The following LMNTD1 variants were observed in gnomAD, a reference collection of about 807,000 sequenced individuals.
LMNTD1 encodes the protein lamin tail domain-containing protein 1.
A neutral mutation model predicts 50.9 loss-of-function variants in LMNTD1; 35 were observed. That is an observed-to-expected ratio of 0.69 (90% CI 0.53 to 0.91). The LOEUF (loss-of-function observed/expected upper bound fraction) is 0.91, where lower values mean the gene tolerates loss of function less well. LMNTD1 is among the 40% of genes least tolerant of loss of function. The pLI, the probability that LMNTD1 is intolerant of heterozygous loss-of-function variation, is 0.00. For missense variants in LMNTD1, 470 were observed against 475.5 expected (o/e 0.99, Z 0.11); for synonymous variants, 153 against 161.9 (o/e 0.94, Z 0.42).
intron 9 of LMNTD1, among the ~76,000 whole-genome samples, chr12:25,485,267 A>AT (rs1196182302): frequency 1.4e-5 from 2 of 146,110 alleles, no homozygotes; most frequent in Non-Finnish European, 3.0e-5. Flanking sequence ...GATGGTGAGC[A>AT]TTTTTTCATG....
intron 9 of LMNTD1, among the ~76,000 whole-genome samples, chr12:25,499,173 A>G (rs1307705055): frequency 6.6e-6 from 1 of 152,064 alleles, no homozygotes; most frequent in East Asian, 1.9e-4. Context: ...CTGGGCTCAA[A>G]TGATCCTCTA....
chr12:25,543,673 G>C (rs751220177), intron 4 of LMNTD1, among the ~76,000 whole-genome samples: 3 of 150,502 alleles, frequency 2.0e-5, no homozygotes, highest in African/African-American at 7.3e-5. Context: ...CTTGAGATAC[G>C]TTGTTAGATT....
chr12:25,604,034 T>C (rs571727824), intron 1 of LMNTD1, among the ~76,000 whole-genome samples: 2 of 152,038 alleles, frequency 1.3e-5, no homozygotes, highest in Non-Finnish European at 2.9e-5. Flanking sequence ...CAAAAAGAAC[T>C]GCATGATTAA....
At chr12:25,538,835 C>T (rs1207947179) in intron 4 of LMNTD1, among the ~76,000 whole-genome samples, 10 of 125,204 alleles carry the variant, frequency 8.0e-5, no homozygotes, top group African/African-American at 2.6e-4. Flanking sequence ...ACCCATCTCA[C>T]GTGCAGAGAC....
chr12:25,559,033 C>T (rs551983967), intron 1 of LMNTD1, among the ~76,000 whole-genome samples: 2 of 150,836 alleles, frequency 1.3e-5, no homozygotes, highest in Admixed American at 6.6e-5. Context: ...AATCACTATA[C>T]TTCCTGCATA....
chr12:25,635,670 G>A (rs1282033851), intron 1 of LMNTD1, among the ~76,000 whole-genome samples: 5 of 151,984 alleles, frequency 3.3e-5, no homozygotes, highest in Admixed American at 6.6e-5. Flanking sequence ...AAGAGCCCAC[G>A]TAGCCAAAGG....
At chr12:25,553,575 A>C (rs1943900347), upstream of LMNTD1, among the ~76,000 whole-genome samples, 1 of 152,104 alleles carries the variant, frequency 6.6e-6, no homozygotes, top group African/African-American at 2.4e-5. Context: ...CTCTGGACAA[A>C]TACTTTGAGC....
intron 1 of LMNTD1, among the ~76,000 whole-genome samples, chr12:25,611,190 A>G (rs183039335): frequency 6.6e-6 from 1 of 152,338 alleles, no homozygotes; most frequent in African/African-American, 2.4e-5. Context: ...GATTAAGAAG[A>G]AATGTTATTA....
intron 8 of LMNTD1, among the ~76,000 whole-genome samples, chr12:25,504,854 T>G (rs557901469): frequency 6.8e-4 from 104 of 152,216 alleles, no homozygotes; most frequent in Non-Finnish European, 1.1e-3. Context: ...AATAGTAAGT[T>G]ATGAACCTAG....
chr12:25,573,437 A>T (rs1944877202), intron 1 of LMNTD1, among the ~76,000 whole-genome samples: 2 of 152,290 alleles, frequency 1.3e-5, no homozygotes, highest in Non-Finnish European at 2.9e-5. Context: ...ATGAACAAAG[A>T]GGATCTAGAA....
At chr12:25,541,964 C>T (rs989017106) in intron 4 of LMNTD1, among the ~76,000 whole-genome samples, 25 of 152,136 alleles carry the variant, frequency 1.6e-4, no homozygotes, top group East Asian at 3.9e-4. Context: ...AACAGACACA[C>T]GAAAAAATGC....
intron 1 of LMNTD1, among the ~76,000 whole-genome samples, chr12:25,576,014 A>G (rs1435552239): frequency 6.6e-6 from 1 of 152,222 alleles, no homozygotes; most frequent in Non-Finnish European, 1.5e-5. Context: ...TACAAAGGGC[A>G]GGAACTCATC....
intron 8 of LMNTD1, among the ~76,000 whole-genome samples, chr12:25,514,255 T>G (rs1173466785): frequency 1.3e-5 from 2 of 152,112 alleles, no homozygotes; most frequent in African/African-American, 4.8e-5. Flanking sequence ...TAGAAATCAG[T>G]GTGCACGTGA....
At chr12:25,479,472 T>C (rs1938374064) in intron 9 of LMNTD1, among the ~76,000 whole-genome samples, 1 of 152,208 alleles carries the variant, frequency 6.6e-6, no homozygotes, top group Non-Finnish European at 1.5e-5. Context: ...AGTATTGTCA[T>C]GTAGTTGGCA....
At chr12:25,592,850 A>T (rs1945739809) in intron 1 of LMNTD1, 2 of 152,250 alleles carry the variant, frequency 1.3e-5, no homozygotes, top group South Asian at 4.1e-4. Flanking sequence ...CCACTGCCTG[A>T]AAACAGACTT....
Position 25,501,931 on chromosome 12 carries a change from T to C in LMNTD1, c.*22+1807A>G, listed in dbSNP as rs550476132. Among the ~76,000 whole-genome samples the C allele has an allele frequency of 8.3e-4, 126 of 152,230 alleles. 1 individual carries two copies. The highest frequency in any genetic ancestry group is 2.6e-3 in the African/African-American group (110 of 41,510). On this transcript the variant is annotated intron_variant, in intron 9 of 9. Transcript: ENST00000458174. ...TCAGAAGGGCACAGTGAAGGGCACA[T>C]TGATGATCAACTCTGAAGATACCAC...
chr12:25,563,928 G>A lies in LMNTD1; in HGVS notation c.59-17374C>T, dbSNP rs11561206. 0.026 allele frequency among the ~76,000 whole-genome samples: 3,954 copies of A among 152,278 alleles called. 424 individuals are homozygous for A. In the East Asian group the frequency reaches 0.37, roughly 14 times the overall value. ...TAGCAGTGAGTGAGGCTCCGTAGGC[G>A]TGGGACCCTCCAAGCCATGCGTGGG... On this transcript the variant is annotated intron_variant, in intron 1 of 7. Coordinates refer to the LMNTD1 transcript ENST00000445693.
At chr12:25,620,229 T>C (rs1404181172) in intron 1 of LMNTD1, among the ~76,000 whole-genome samples, 2 of 152,298 alleles carry the variant, frequency 1.3e-5, no homozygotes, top group African/African-American at 2.4e-5. Context: ...TGATTCCCCA[T>C]GCAATGTTTT....
intron 9 of LMNTD1, among the ~76,000 whole-genome samples, chr12:25,491,522 C>T (rs953726324): frequency 2.6e-5 from 4 of 152,306 alleles, no homozygotes; most frequent in African/African-American, 9.6e-5. Flanking sequence ...CAAAAGACTT[C>T]AGAGACAATA....
Sources: gnomAD v4.1 joint callset for allele counts (sites outside exome capture counted in the v4.1 genomes callset) on GRCh38, gnomAD v4.1.1 for gene constraint, MANE v1.5 for transcripts, NCBI Gene and HGNC (gene_info 2026-07-23, HGNC 2026-07-21) for gene names.